Variants in CHD3 observed in about 807,000 individuals in gnomAD.
CHD3 encodes the protein chromodomain helicase DNA binding protein 3.
CHD3 carries 52 observed loss-of-function variants against 248.9 expected under a neutral mutation model. The observed-to-expected ratio is 0.21, with a 90% CI of 0.17 to 0.26. The LOEUF is 0.26. Ranked by LOEUF, CHD3 falls within the 10% of genes least tolerant of loss-of-function variation. The pLI, the probability that CHD3 is intolerant of heterozygous loss-of-function variation, is 1.00. For missense variants in CHD3, 1,482 were observed against 2,605.8 expected, an observed-to-expected ratio of 0.57 and a Z score of 9.39; for synonymous variants, 985 against 985.2, an observed-to-expected ratio of 1.00 and a Z score of 0.00.
Position 7,895,450 on chromosome 17 carries a change from C to A in CHD3, c.1615C>A (p.Pro539Thr). 1 of 1,614,142 alleles carries A rather than the reference C, an allele frequency of 6.2e-7. No homozygotes were observed. The highest frequency in any genetic ancestry group is 8.5e-7 in the Non-Finnish European group (1 of 1,180,030). ...AGATGGAAATCCAGATGTCCCACCC[C>A]CCCGTCCTCTTCAAGGCAGATCAGA... ...QADGNPDVPP[P>T]RPLQGRSERE... is the part of the protein sequence containing the mutation. The change falls in exon 10 of 40, where the codon CCC becomes ACC. Residue 539 changes from proline (P) to threonine (T), a missense_variant. Physicochemically the swap from Pro to Thr is conservative, Grantham distance 38. Transcript: ENST00000330494. This position sits in a 1 kb window ranked among gnomAD's most constrained non-coding sequence, Gnocchi z 4.9.
intron 13 of CHD3, 50 bp downstream of exon 13, chr17:7,898,645 A>AGT: frequency 7.1e-7 from 1 of 1,411,992 alleles, no homozygotes; most frequent in Non-Finnish European, 9.9e-7. Flanking sequence ...TGGTGATCGA[A>AGT]GATTTTCCAA....
rs1015327205 is a variant in CHD3 at position 7,889,572 on chromosome 17, G to A, written c.101-92G>A. 2 of 1,007,822 alleles carry A rather than the reference G, an allele frequency of 2.0e-6. No homozygotes were observed. Among genetic ancestry groups the A allele is most frequent in the African/African-American group, 3.3e-5 (2 of 61,292 alleles). 62.4% of individuals were successfully genotyped at this position (1,007,822 alleles called of 1,614,324 possible). ...GAGGAGTTAATGCTTCCTAGAGAGT[G>A]GGAACTGCCGAGGTGGGGAAGGGGC... On this transcript the variant is annotated intron_variant, in intron 1 of 39. Coordinates refer to ENST00000330494, the MANE Select transcript of CHD3 (RefSeq NM_001005273.3). The surrounding 1 kb of genome is among the most constrained non-coding windows in gnomAD (Gnocchi z 4.5).
rs1453416000 is a variant in CHD3, at chr17:7,904,200, C to T, written c.3894+209C>T. 1.6e-6 allele frequency: 1 copy of T among 626,574 alleles called. No homozygotes were observed. The highest frequency in any genetic ancestry group is 2.0e-5 in the South Asian group (1 of 49,752). The allele number at this position is 626,574 out of a possible 1,614,324, so 38.8% of individuals were successfully genotyped here. A position where few individuals can be genotyped will look rare whatever the true frequency, so the allele number is the denominator to read the frequency against. On this transcript the variant is annotated intron_variant, in intron 24 of 39. Transcript: ENST00000330494. This position sits in a 1 kb window ranked among gnomAD's most constrained non-coding sequence, Gnocchi z 4.4. ...AAACACAGAAGGGTACCTTCTGAGA[C>T]AGTGCAGGAGAAACACTGTCAGAGG... is the stretch of plus-strand genomic sequence containing the variant.
In CHD3 at chr17:7,906,808, G is replaced by A. The variant is rs1231823104; in HGVS notation, c.4504-61G>A. On this transcript the variant is annotated intron_variant, in intron 29 of 39. Coordinates refer to ENST00000330494, the MANE Select transcript of CHD3 (RefSeq NM_001005273.3). This position sits in a 1 kb window ranked among gnomAD's most constrained non-coding sequence, Gnocchi z 5.0. ...GCGCTGGTGTGAGACGGAGGAGACT[G>A]GAGCTTCCTGTCTGTAAGCGCCTGG... The A allele has an allele frequency of 5.0e-6, 8 of 1,603,966 alleles. No homozygotes were observed. The highest frequency in any genetic ancestry group is 1.3e-5 in the African/African-American group (1 of 74,498).
At chr17:7,885,472 G>C (rs1967751982), upstream of CHD3, among the ~76,000 whole-genome samples, 1 of 151,424 alleles carries the variant, frequency 6.6e-6, no homozygotes, top group African/African-American at 2.4e-5. Flanking sequence ...GGCAGGAAAC[G>C]GCCAAGGCGA....
chr17:7,893,571 TAGGG>T lies in CHD3; in HGVS notation c.793+4_793+7del. 6.5e-7 allele frequency: 1 copy of T among 1,544,628 alleles called. No homozygotes were observed. Among genetic ancestry groups the T allele is most frequent in the Admixed American group, 2.0e-5 (1 of 50,450 alleles). ...GAGCCAAAACCAAAGAGGGCAAAGG[TAGGG>T]AACTCTCTTCCAACAACTGTCATCT... On this transcript the variant is annotated splice_donor_5th_base_variant and intron_variant, in intron 5 of 39. Coordinates refer to ENST00000330494, the MANE Select transcript of CHD3 (RefSeq NM_001005273.3).
rs375994896 is a variant in CHD3, at chr17:7,903,228, G to C, written c.3496-44G>C. The C allele has an allele frequency of 6.3e-7, 1 of 1,598,240 alleles. No homozygotes were observed. The highest frequency in any genetic ancestry group is 1.3e-5 in the African/African-American group (1 of 74,572). ...GCAGCTCTATGGGCAGCTTCTCCCC[G>C]GCCACTCCCCTGACCCACCCGCCAC... On this transcript the variant is annotated intron_variant, in intron 22 of 39. Coordinates refer to ENST00000330494, the MANE Select transcript of CHD3 (RefSeq NM_001005273.3). This position sits in a 1 kb window ranked among gnomAD's most constrained non-coding sequence, Gnocchi z 6.8.
upstream of CHD3, chr17:7,885,283 TCCCCTCCCCCGCCGCA>T (rs1355793417): frequency 1.6e-4 from 22 of 141,124 alleles, no homozygotes; most frequent in South Asian, 2.3e-4. Context: ...CCAGGCCTCC[TCCCCTCCCCCGCCGCA>T]CCCCTCCCCC....
rs146189491 is a variant in CHD3 at position 7,905,149 on chromosome 17, C to T, written c.4122C>T (p.Phe1374=). Residue 1374 remains phenylalanine (F), a synonymous_variant, in exon 26 of 40, where the codon TTC becomes TTT. Transcript: ENST00000330494. This position sits in a 1 kb window ranked among gnomAD's most constrained non-coding sequence, Gnocchi z 5.8. ...SVGSEEEDED[F]DERPEGRRQS... is the part of the protein sequence containing the mutation. ...GTTCAGAGGAGGAGGATGAAGACTT[C>T]GATGAACGTCCTGAAGGTGGCATCT... 67 of 1,613,988 alleles carry T rather than the reference C, an allele frequency of 4.2e-5. 1 individual carries two copies. The Middle Eastern group carries it at 8.2e-4, about 20-fold the overall frequency.
chr17:7,887,921 C>T (rs1341358822), upstream of CHD3, among the ~76,000 whole-genome samples: 2 of 152,236 alleles, frequency 1.3e-5, no homozygotes, highest in East Asian at 1.9e-4. Context: ...GCCACCGACG[C>T]CTGCCCAAGT....
Position 7,909,628 on chromosome 17 carries a change from G to A in CHD3, c.5590+290G>A, listed in dbSNP as rs1175190575. On this transcript the variant is annotated intron_variant, in intron 37 of 39. Coordinates refer to ENST00000330494, the MANE Select transcript of CHD3 (RefSeq NM_001005273.3). The surrounding 1 kb of genome is among the most constrained non-coding windows in gnomAD (Gnocchi z 8.1). ...ACAGTGGGGCCTCTTCACTGGCAGT[G>A]GAACTGCATGCCTGCCATACTGCTT... 1 of 480,258 alleles carries A rather than the reference G, an allele frequency of 2.1e-6. No homozygotes were observed. Among genetic ancestry groups the A allele is most frequent in the Non-Finnish European group, 3.7e-6 (1 of 270,634 alleles). The allele number at this position is 480,258 out of a possible 1,614,324, so 29.7% of individuals were successfully genotyped here.
Position 7,910,925 on chromosome 17 carries a change from G to A in CHD3, c.5833G>A (p.Ala1945Thr), listed in dbSNP as rs138945661. The change falls in exon 39 of 40, where the codon GCC becomes ACC. Residue 1945 changes from alanine (A) to threonine (T), a missense_variant. By Grantham distance (58) the Ala-to-Thr change is moderately conservative (BLOSUM62 0). Around this residue, in one of 20 missense-constraint regions of CHD3, gnomAD observed 117 missense variants for 137.2 expected, o/e 0.85. Transcript: ENST00000330494. The surrounding 1 kb of genome is among the most constrained non-coding windows in gnomAD (Gnocchi z 4.7). Reference protein sequence around the residue: ...FSAAPVGALAAAGANYSQMPA... With the variant: ...FSAAPVGALATAGANYSQMPA... The stretch of plus-strand genomic sequence containing the variant: ...CGCCGCACCCGTAGGGGCCCTGGCC[G>A]CCGCAGGCGCCAATTACAGCCAGAT... The A allele has an allele frequency of 1.4e-4, 228 of 1,613,588 alleles. 2 individuals carry two copies. Among genetic ancestry groups the A allele is most frequent in the Middle Eastern group, 5.0e-4 (3 of 6,060 alleles).
Position 7,904,146 on chromosome 17 carries a change from A to G in CHD3, c.3894+155A>G. 1 of 737,340 alleles carries G rather than the reference A, an allele frequency of 1.4e-6. No individual in the cohort carries two copies. The highest frequency in any genetic ancestry group is 2.2e-6 in the Non-Finnish European group (1 of 454,178). 45.7% of individuals were successfully genotyped at this position (737,340 alleles called of 1,614,324 possible). On this transcript the variant is annotated intron_variant, in intron 24 of 39. Transcript: ENST00000330494. This position sits in a 1 kb window ranked among gnomAD's most constrained non-coding sequence, Gnocchi z 4.4. ...TCTAATAGGTGAGACTGGACTTCAG[A>G]GAGAAACGTAGGCACAGACAGTACT...
In CHD3 at chr17:7,907,463, G is replaced by A. The variant is rs1429615619; in HGVS notation, c.4899G>A (p.Gly1633=). ...GVPGEMEPEP[G]YRGDREKSAT... ...CTGGAGAGATGGAGCCTGAACCTGGGTACCGTGGGGACAGAGAGAAGTCAG... is the reference window on the plus strand; with the variant it reads ...CTGGAGAGATGGAGCCTGAACCTGGATACCGTGGGGACAGAGAGAAGTCAG... Residue 1633 remains glycine, a synonymous_variant, in exon 32 of 40, where the codon GGG becomes GGA. Coordinates refer to ENST00000330494, the MANE Select transcript of CHD3 (RefSeq NM_001005273.3). This position sits in a 1 kb window ranked among gnomAD's most constrained non-coding sequence, Gnocchi z 4.3. The A allele has an allele frequency of 2.5e-6, 4 of 1,604,094 alleles. No individual in the cohort carries two copies. The highest frequency in any genetic ancestry group is 2.2e-5 in the South Asian group (2 of 89,422).
upstream of CHD3, among the ~76,000 whole-genome samples, chr17:7,885,594 G>C (rs372075169): frequency 6.6e-6 from 1 of 151,858 alleles, no homozygotes; most frequent in South Asian, 2.1e-4. Flanking sequence ...CGCCCCTCGG[G>C]CTCTGGCCCC....
chr17:7,912,031 G>C lies in CHD3; in HGVS notation c.*446G>C. 3.3e-6 allele frequency: 1 copy of C among 303,704 alleles called. No homozygotes were observed. The highest frequency in any genetic ancestry group is 6.4e-6 in the Non-Finnish European group (1 of 156,584). The allele number at this position is 303,704 out of a possible 1,614,324, so 18.8% of individuals were successfully genotyped here. A position where few individuals can be genotyped will look rare whatever the true frequency, so the allele number is the denominator to read the frequency against. ...GGGGAAGAGAGCTTTGAAGAGAGGA[G>C]GGGGACTTTAGAGAGGGATGAAAAT... On this transcript the variant is annotated 3_prime_UTR_variant, in exon 40 of 40. Transcript: ENST00000330494.
chr17:7,898,410 G>T, intron 12 of CHD3, 86 bp from the exon 13 acceptor site: 1 of 1,003,132 alleles, frequency 1.0e-6, no homozygotes. Context: ...GTCATGGACA[G>T]TGGGAAGTAG....
At chr17:7,887,269 T>C (rs1968111959), upstream of CHD3, among the ~76,000 whole-genome samples, 1 of 152,196 alleles carries the variant, frequency 6.6e-6, no homozygotes, top group Non-Finnish European at 1.5e-5. Flanking sequence ...CACCATTTTG[T>C]TTTACATTCT....
rs139259477 is a variant in CHD3 at position 7,895,704 on chromosome 17, T to C, written c.1707+162T>C. ...TGCTTAGTTTCCATATGTGGTTCTT[T>C]TGGTCTACAGTCCTCTTTCTCTCAG... is the stretch of plus-strand genomic sequence containing the variant. On this transcript the variant is annotated intron_variant, in intron 10 of 39. Transcript: ENST00000330494. This position sits in a 1 kb window ranked among gnomAD's most constrained non-coding sequence, Gnocchi z 4.9. 7.0e-4 allele frequency: 444 copies of C among 638,106 alleles called. 11 individuals are homozygous for C. In the East Asian group the frequency reaches 7.6e-3, roughly 11 times the overall value. 39.5% of individuals were successfully genotyped at this position (638,106 alleles called of 1,614,324 possible).
Sources: allele counts gnomAD v4.1 joint callset (sites outside exome capture counted in the v4.1 genomes callset), GRCh38; gene constraint gnomAD v4.1.1; regional missense constraint gnomAD v4.1.1; non-coding constraint Gnocchi (gnomAD v3.1); transcripts MANE v1.5; gene names NCBI Gene and HGNC (gene_info 2026-07-23, HGNC 2026-07-21).